Variants in COX11 observed in about 807,000 individuals in gnomAD.
The protein encoded by COX11 is cytochrome c oxidase assembly protein COX11, mitochondrial.
Under a neutral mutation model 29.4 loss-of-function variants are expected in COX11, and 18 were observed. The observed-to-expected ratio is 0.61, with a 90% CI of 0.42 to 0.91. The LOEUF is 0.91. Among genes scored for constraint, COX11 ranks in the 40% least tolerant of loss-of-function variants. COX11 has a pLI of 0.00. For synonymous variants in COX11, 131 were observed against 124.0 expected, an observed-to-expected ratio of 1.06 and a Z score of -0.38; for missense variants, 312 against 346.0, an observed-to-expected ratio of 0.90 and a Z score of 0.78.
At chr17:54,959,894 GGT>G (rs2077069613), downstream of COX11, among the ~76,000 whole-genome samples, 1 of 152,034 alleles carries the variant, frequency 6.6e-6, no homozygotes, top group Admixed American at 6.6e-5. Context: ...TGGGATTATA[GGT>G]GTGAGCCACT....
In COX11 at chr17:54,968,530, C is replaced by G. The variant is rs950513526; in HGVS notation, c.117G>C (p.Glu39Asp). ...AERVEPFLRPEWSGTGGAERG... is the reference protein window; with the variant it reads ...AERVEPFLRPDWSGTGGAERG... The stretch of plus-strand genomic sequence containing the variant: ...TCTCGGCACCTCCTGTCCCACTCCA[C>G]TCTGGCCTAAGAAACGGCTCTACCC... Residue 39 changes from glutamate to aspartate, a missense_variant, in exon 1 of 4, where the codon GAG becomes GAC. Physicochemically the swap from Glu to Asp is conservative, Grantham distance 45. This residue lies in a region of COX11 where 130 missense variants were observed against 106.0 expected (regional missense o/e 1.23). Transcript: ENST00000299335. 6.2e-7 allele frequency: 1 copy of G among 1,613,298 alleles called. No homozygotes were observed. The highest frequency in any genetic ancestry group is 8.5e-7 in the Non-Finnish European group (1 of 1,180,016).
Position 54,961,234 on chromosome 17 carries a change from G to C in COX11, c.*1499C>G. The stretch of plus-strand genomic sequence containing the variant: ...TGGCCATTTTCTTCTCTTTATTTTA[G>C]AAGAAAGTGGATGATCAGCTCACTA... On this transcript the variant is annotated 3_prime_UTR_variant, in exon 4 of 4. Transcript: ENST00000299335. The C allele has an allele frequency of 6.5e-7, 1 of 1,527,968 alleles. No individual in the cohort carries two copies. The highest frequency in any genetic ancestry group is 8.9e-7 in the Non-Finnish European group (1 of 1,125,410). The allele number at this position is 1,527,968 out of a possible 1,614,324, so 94.7% of individuals were successfully genotyped here.
At chr17:54,963,184 T>C (rs557851339) in intron 3 of COX11, 122 bp downstream of exon 3, 93 of 1,117,682 alleles carry the variant, frequency 8.3e-5, no homozygotes, top group Non-Finnish European at 8.1e-5. Flanking sequence ...TGAAGAAAAA[T>C]AGCTTGATGT....
At chr17:54,957,525 GGGAGAGACA>G (rs1466544290), downstream of COX11, 2 of 152,170 alleles carry the variant, frequency 1.3e-5, no homozygotes, top group East Asian at 3.9e-4. Flanking sequence ...TACTGGCGGT[GGGAGAGACA>G]GTAAAAAGCT....
rs961440449 is a variant in COX11 at position 54,961,942 on chromosome 17, T to A, written c.*791A>T. ...AGTTGTACATTTGATGACAAATAAA[T>A]CACTATTAAAACAATTTAATACTTT... On this transcript the variant is annotated 3_prime_UTR_variant, in exon 4 of 4. Coordinates refer to ENST00000299335, the MANE Select transcript of COX11 (RefSeq NM_004375.5). 3.3e-6 allele frequency: 3 copies of A among 897,102 alleles called. No individual in the cohort carries two copies. Among genetic ancestry groups the A allele is most frequent in the Non-Finnish European group, 4.0e-6 (3 of 750,470 alleles). 55.6% of individuals were successfully genotyped at this position (897,102 alleles called of 1,614,324 possible).
At position 54,968,615 on chromosome 17, in the gene COX11, C is replaced by A. The variant is rs2077322565; in HGVS notation, c.32G>T (p.Cys11Phe). 2 of 1,612,908 alleles carry A rather than the reference C, an allele frequency of 1.2e-6. No individual in the cohort carries two copies. The highest frequency in any genetic ancestry group is 1.7e-6 in the Non-Finnish European group (2 of 1,180,008). The change falls in exon 1 of 4, where the codon TGC becomes TTC. Residue 11 changes from cysteine to phenylalanine, a missense_variant. Physicochemically the swap from Cys to Phe is radical, Grantham distance 205. Around this residue, in one of 2 missense-constraint regions of COX11, gnomAD observed 130 missense variants for 106.0 expected, o/e 1.23. Transcript: ENST00000299335. ...CCAGCGCCAGCCACAGAAAGGAACGCACCTCCATCCAGGACGCCAGAGCCC... is the reference window on the plus strand; with the variant it reads ...CCAGCGCCAGCCACAGAAAGGAACGAACCTCCATCCAGGACGCCAGAGCCC... Reference protein sequence around the residue: MGGLWRPGWRCVPFCGWRWIH... With the variant: MGGLWRPGWRFVPFCGWRWIH...
In COX11 at chr17:54,963,775, T is replaced by C. The variant is rs78112776; in HGVS notation, c.523-344A>G. 7.0e-4 allele frequency among the ~76,000 whole-genome samples: 107 copies of C among 152,208 alleles called. 2 individuals are homozygous for C. The East Asian group carries it at 0.019, about 28-fold the overall frequency. On this transcript the variant is annotated intron_variant, in intron 2 of 3. Transcript: ENST00000299335. ...TAGCCCAACTTTTCTGTAACACTTA[T>C]ACCTGAATGTCATGATTGACTATTT...
At chr17:54,968,159 A>T in intron 1 of COX11, 122 bp downstream of exon 1, 1 of 1,447,812 alleles carries the variant, frequency 6.9e-7, no homozygotes, top group Non-Finnish European at 9.2e-7. Flanking sequence ...CTCTCCTCTT[A>T]GGTAGATAAT....
chr17:54,968,658 C>A, upstream of COX11: 1 of 1,596,664 alleles, frequency 6.3e-7, no homozygotes, highest in South Asian at 1.1e-5. Flanking sequence ...ACCCTCTGAA[C>A]TAACACCCAC....
chr17:54,962,338 A>G lies in COX11; in HGVS notation c.*395T>C. 1.0e-6 allele frequency: 1 copy of G among 989,096 alleles called. No homozygotes were observed. The highest frequency in any genetic ancestry group is 4.6e-5 in the South Asian group (1 of 21,548). 61.3% of individuals were successfully genotyped at this position (989,096 alleles called of 1,614,324 possible). On this transcript the variant is annotated 3_prime_UTR_variant, in exon 4 of 4. Transcript: ENST00000299335. ...TAAACATGGTTAGAAGTTCTGGCCTATGACTTGAAACAAATAACCCTGAGC... is the reference window on the plus strand; with the variant it reads ...TAAACATGGTTAGAAGTTCTGGCCTGTGACTTGAAACAAATAACCCTGAGC...
intron 1 of COX11, among the ~76,000 whole-genome samples, chr17:54,966,907 G>A (rs894621163): frequency 1.3e-5 from 2 of 152,224 alleles, no homozygotes; most frequent in African/African-American, 4.8e-5. Flanking sequence ...CGGGCATGGT[G>A]GCTCACGCCT....
chr17:54,960,455 G>C lies in COX11; in HGVS notation c.*2278C>G, dbSNP rs567252654. The C allele has an allele frequency of 5.2e-5, 40 of 763,646 alleles. No homozygotes were observed. In the East Asian group the frequency reaches 9.3e-4, roughly 18 times the overall value. The allele number at this position is 763,646 out of a possible 1,614,324, so 47.3% of individuals were successfully genotyped here. A position where few individuals can be genotyped will look rare whatever the true frequency, so the allele number is the denominator to read the frequency against. The stretch of plus-strand genomic sequence containing the variant: ...AGAGACTTATTTTTACTCATATGTA[G>C]CCTGAACTCCAAAACCAGCTCAATT... On this transcript the variant is annotated 3_prime_UTR_variant, in exon 4 of 4. Coordinates refer to ENST00000299335, the MANE Select transcript of COX11 (RefSeq NM_004375.5).
downstream of COX11, chr17:54,958,557 C>G (rs542289780): frequency 6.6e-6 from 1 of 152,184 alleles, no homozygotes; most frequent in South Asian, 2.1e-4. Context: ...ATGGCAAAAC[C>G]CTGTCTCTAC....
exon 1 of COX11, chr17:54,953,776 A>G (rs2049353002): frequency 6.6e-6 from 1 of 152,122 alleles, no homozygotes; most frequent in South Asian, 2.1e-4. Flanking sequence ...GGAGATGTCT[A>G]CCAGTTGGAA....
chr17:54,967,687 G>A (rs1191958153), intron 1 of COX11, among the ~76,000 whole-genome samples: 1 of 149,816 alleles, frequency 6.7e-6, no homozygotes, highest in Non-Finnish European at 1.5e-5. Flanking sequence ...GATGCTGCCG[G>A]TCCTGGGCGC....
intron 1 of COX11, among the ~76,000 whole-genome samples, chr17:54,965,944 C>CA (rs966504175): frequency 1.8e-4 from 27 of 150,326 alleles, no homozygotes; most frequent in African/African-American, 6.5e-4. Flanking sequence ...GAAGAAAAAA[C>CA]AAAAAACAAA....
exon 1 of COX11, chr17:54,953,507 G>A (rs1052503684): frequency 6.6e-6 from 1 of 152,320 alleles, no homozygotes; most frequent in African/African-American, 2.4e-5. Context: ...CAGTTACAGG[G>A]AACAGGTACC....
At position 54,960,439 on chromosome 17, in the gene COX11, T is replaced by C; in HGVS notation, c.*2294A>G. The C allele has an allele frequency of 1.5e-6, 1 of 682,156 alleles. No homozygotes were observed. The highest frequency in any genetic ancestry group is 1.7e-5 in the South Asian group (1 of 58,452). 42.3% of individuals were successfully genotyped at this position (682,156 alleles called of 1,614,324 possible). On this transcript the variant is annotated 3_prime_UTR_variant, in exon 4 of 4. Coordinates refer to ENST00000299335, the MANE Select transcript of COX11 (RefSeq NM_004375.5). Reference sequence around the variant, plus strand: ...ATACACACTTCAGGGCAGAGACTTATTTTTACTCATATGTAGCCTGAACTC... The same window carrying C: ...ATACACACTTCAGGGCAGAGACTTACTTTTACTCATATGTAGCCTGAACTC...
downstream of COX11, among the ~76,000 whole-genome samples, chr17:54,956,475 T>A (rs1380796608): frequency 6.6e-6 from 1 of 152,006 alleles, no homozygotes; most frequent in Non-Finnish European, 1.5e-5. Context: ...CTGGCTAATT[T>A]TTTTGTATAT....
Sources: allele counts gnomAD v4.1 joint callset (sites outside exome capture counted in the v4.1 genomes callset), GRCh38; gene constraint gnomAD v4.1.1; regional missense constraint gnomAD v4.1.1; transcripts MANE v1.5; gene names NCBI Gene and HGNC (gene_info 2026-07-23, HGNC 2026-07-21).